The following PARD3B variants were observed in gnomAD, a reference collection of about 807,000 sequenced individuals.
The protein encoded by PARD3B is partitioning defective 3 homolog B.
PARD3B carries 103 observed loss-of-function variants against 130.2 expected under a neutral mutation model. The ratio of observed to expected loss-of-function variants is 0.79; its 90% CI spans 0.67 to 0.93. PARD3B has a LOEUF of 0.93. Ranked by LOEUF, PARD3B falls within the 40% of genes least tolerant of loss-of-function variation. The probability of loss-of-function intolerance (pLI) is 0.00; values close to 1 mark genes in which losing one functional copy is unlikely to be tolerated. For synonymous variants in PARD3B, 583 were observed against 553.2 expected (o/e 1.05, Z -0.76); for missense variants, 1,609 against 1,499.2 (o/e 1.07, Z -1.21).
In PARD3B at chr2:205,591,741, G is replaced by A. The variant is rs530846354; in HGVS notation, c.3261-23715G>A. 2.6e-5 allele frequency among the ~76,000 whole-genome samples: 4 copies of A among 152,308 alleles called. No individual in the cohort carries two copies. In the East Asian group the frequency reaches 7.7e-4, roughly 29 times the overall value. On this transcript the variant is annotated intron_variant, in intron 22 of 22. Transcript: ENST00000406610. This position sits in a 1 kb window ranked among gnomAD's most constrained non-coding sequence, Gnocchi z 4.2. Reference sequence around the variant, plus strand: ...CAGACATACAAGGAGGGAATCAGGAGGGACCCCAGTCAGATGAGATAAAAA... The same window carrying A: ...CAGACATACAAGGAGGGAATCAGGAAGGACCCCAGTCAGATGAGATAAAAA...
intron 16 of PARD3B, among the ~76,000 whole-genome samples, chr2:205,293,989 T>A (rs934841004): frequency 4.6e-5 from 7 of 152,126 alleles, no homozygotes. Flanking sequence ...CTCAAATGAG[T>A]ATTCTATTAC....
chr2:205,258,473 T>C lies in PARD3B; in HGVS notation c.2185+12651T>C, dbSNP rs753137330. Among the ~76,000 whole-genome samples, 4 of 152,202 alleles carry C rather than the reference T, an allele frequency of 2.6e-5. No homozygotes were observed. The highest frequency in any genetic ancestry group is 4.4e-5 in the Non-Finnish European group (3 of 68,034). ...AAGAAGCCAGTTTCTCTCACCTTAC[T>C]GTTTACCTCCTTATAGAGCTAATCA... On this transcript the variant is annotated intron_variant, in intron 16 of 22. Coordinates refer to ENST00000406610, the MANE Select transcript of PARD3B (RefSeq NM_001302769.2). The surrounding 1 kb of genome is among the most constrained non-coding windows in gnomAD (Gnocchi z 4.9).
In PARD3B at chr2:205,562,804, C is replaced by G. The variant is rs1208759211; in HGVS notation, c.3260+9401C>G. 6.6e-6 allele frequency among the ~76,000 whole-genome samples: 1 copy of G among 152,104 alleles called. No individual in the cohort carries two copies. The highest frequency in any genetic ancestry group is 1.5e-5 in the Non-Finnish European group (1 of 68,018). ...GGTGATTTTCTTGATAATGCTGTACCGTTTTGCATGATGCACACTGTCTTT... is the reference window on the plus strand; with the variant it reads ...GGTGATTTTCTTGATAATGCTGTACGGTTTTGCATGATGCACACTGTCTTT... On this transcript the variant is annotated intron_variant, in intron 22 of 22. Transcript: ENST00000406610. The surrounding 1 kb of genome is among the most constrained non-coding windows in gnomAD (Gnocchi z 5.4).
intron 2 of PARD3B, among the ~76,000 whole-genome samples, chr2:204,693,494 G>A (rs2037449496): frequency 6.6e-6 from 1 of 152,062 alleles, no homozygotes; most frequent in African/African-American, 2.4e-5. Flanking sequence ...ACTAAAAATA[G>A]TACTAATTAT....
At chr2:204,924,019 T>A (rs1296699878) in intron 2 of PARD3B, among the ~76,000 whole-genome samples, 3 of 152,022 alleles carry the variant, frequency 2.0e-5, no homozygotes, top group Admixed American at 6.6e-5. Flanking sequence ...CAGGAAATAT[T>A]TTATTAAACT....
chr2:204,963,390 A>G (rs185513545), intron 2 of PARD3B, among the ~76,000 whole-genome samples: 1 of 152,276 alleles, frequency 6.6e-6, no homozygotes, highest in East Asian at 1.9e-4. Context: ...TTTAAGGCAC[A>G]TGGGTTATAC....
At position 205,258,167 on chromosome 2, in the gene PARD3B, T is replaced by C. The variant is rs2040167606; in HGVS notation, c.2185+12345T>C. Among the ~76,000 whole-genome samples, 1 of 152,158 alleles carries C rather than the reference T, an allele frequency of 6.6e-6. No homozygotes were observed. Among genetic ancestry groups the C allele is most frequent in the African/African-American group, 2.4e-5 (1 of 41,426 alleles). On this transcript the variant is annotated intron_variant, in intron 16 of 22. Transcript: ENST00000406610. The surrounding 1 kb of genome is among the most constrained non-coding windows in gnomAD (Gnocchi z 4.9). ...AAGCCTTACCAGATGCAGTCAGCTTTGACTTTTTCCTCTCTTAAGCCCTGA... is the reference window on the plus strand; with the variant it reads ...AAGCCTTACCAGATGCAGTCAGCTTCGACTTTTTCCTCTCTTAAGCCCTGA...
chr2:205,579,729 G>C (rs566558150), intron 22 of PARD3B, among the ~76,000 whole-genome samples: 82 of 152,326 alleles, frequency 5.4e-4, no homozygotes, highest in African/African-American at 1.9e-3. Flanking sequence ...TGAAACGACA[G>C]CATATTCTTT....
chr2:204,560,055 G>C (rs992195222), intron 1 of PARD3B, among the ~76,000 whole-genome samples: 3 of 152,054 alleles, frequency 2.0e-5, no homozygotes, highest in African/African-American at 7.3e-5. Flanking sequence ...GGGGGTCTGG[G>C]GAGGGATAGC....
At chr2:204,594,727 G>A (rs1391421540) in intron 1 of PARD3B, among the ~76,000 whole-genome samples, 1 of 151,980 alleles carries the variant, frequency 6.6e-6, no homozygotes, top group Non-Finnish European at 1.5e-5. Flanking sequence ...ACCTCTATTG[G>A]TGGTTATTTT....
chr2:204,654,829 T>G (rs1468177555), intron 1 of PARD3B, among the ~76,000 whole-genome samples: 1 of 152,112 alleles, frequency 6.6e-6, no homozygotes, highest in East Asian at 1.9e-4. Flanking sequence ...GTGCCCAGGT[T>G]TTTGTTGGGG....
At chr2:205,020,789 A>G (rs1310614102) in intron 3 of PARD3B, among the ~76,000 whole-genome samples, 3 of 152,120 alleles carry the variant, frequency 2.0e-5, no homozygotes, top group Non-Finnish European at 4.4e-5. Context: ...GTTGTCCTCA[A>G]GGCTAGCCTT....
chr2:205,408,217 T>TA (rs2046476227), intron 19 of PARD3B, among the ~76,000 whole-genome samples: 1 of 152,300 alleles, frequency 6.6e-6, no homozygotes, highest in African/African-American at 2.4e-5. Context: ...CCCTTTAGTT[T>TA]AAATCAATAC....
chr2:205,058,350 A>G (rs942786618), intron 4 of PARD3B, among the ~76,000 whole-genome samples: 1 of 151,976 alleles, frequency 6.6e-6, no homozygotes, highest in African/African-American at 2.4e-5. Context: ...CTTGATGGAC[A>G]CTTGAGTTGC....
intron 2 of PARD3B, among the ~76,000 whole-genome samples, chr2:204,775,593 T>C (rs2041584937): frequency 6.6e-6 from 1 of 152,172 alleles, no homozygotes; most frequent in Admixed American, 6.5e-5. Flanking sequence ...CCTCCATGAC[T>C]TGGCTGAGGT....
At chr2:205,013,034 G>A (rs911360996) in intron 3 of PARD3B, among the ~76,000 whole-genome samples, 3 of 152,172 alleles carry the variant, frequency 2.0e-5, no homozygotes, top group African/African-American at 2.4e-5. Flanking sequence ...TAAAATCTAC[G>A]TAGCGTTTCC....
At chr2:204,671,925 G>A (rs7593604) in intron 1 of PARD3B, among the ~76,000 whole-genome samples, 48,530 of 151,932 alleles carry the variant, frequency 0.32, 10,718 homozygotes, top group African/African-American at 0.63. Context: ...TAATATAATC[G>A]TCGGAAAACT....
intron 2 of PARD3B, among the ~76,000 whole-genome samples, chr2:204,707,813 T>C (rs1267220526): frequency 6.6e-6 from 1 of 152,330 alleles, no homozygotes; most frequent in South Asian, 2.1e-4. Flanking sequence ...TTTTAAAAAA[T>C]AGTAATGCAG....
chr2:204,910,177 T>C (rs140013983), intron 2 of PARD3B, among the ~76,000 whole-genome samples: 2 of 152,260 alleles, frequency 1.3e-5, no homozygotes, highest in Admixed American at 1.3e-4. Context: ...AGAAAGCAGT[T>C]GGCAAATAAG....
Sources: allele counts gnomAD v4.1 joint callset (sites outside exome capture counted in the v4.1 genomes callset), GRCh38; gene constraint gnomAD v4.1.1; non-coding constraint Gnocchi (gnomAD v3.1); transcripts MANE v1.5; gene names NCBI Gene and HGNC (gene_info 2026-07-23, HGNC 2026-07-21).